The following RALGAPB variants were observed in gnomAD, a reference collection of about 807,000 sequenced individuals.
The protein encoded by RALGAPB is Ral GTPase activating protein non-catalytic subunit beta.
A neutral mutation model predicts 161.1 loss-of-function variants in RALGAPB; 25 were observed. That is an observed-to-expected ratio of 0.16 (90% CI 0.11 to 0.22). The LOEUF is 0.22. Ranked by LOEUF, RALGAPB falls within the 10% of genes least tolerant of loss-of-function variation. The pLI, the probability that RALGAPB is intolerant of heterozygous loss-of-function variation, is 1.00. For synonymous variants in RALGAPB, 629 were observed against 626.1 expected (o/e 1.00, Z -0.07); for missense variants, 1,391 against 1,815.2 (o/e 0.77, Z 4.25).
At chr20:38,506,500 TC>T (rs895681439) in intron 5 of RALGAPB, among the ~76,000 whole-genome samples, 14 of 152,188 alleles carry the variant, frequency 9.2e-5, no homozygotes, top group African/African-American at 3.4e-4. Flanking sequence ...CTCCATGTTG[TC>T]CAGGCTGGCC....
intron 16 of RALGAPB, chr20:38,537,685 T>C (rs1191199021): frequency 6.6e-6 from 1 of 152,210 alleles, no homozygotes; most frequent in Non-Finnish European, 1.5e-5. Flanking sequence ...GATGAAAGAT[T>C]TGTATTCAGA....
intron 19 of RALGAPB, 151 bp downstream of exon 19, chr20:38,546,581 G>C (rs925060302): frequency 3.0e-6 from 3 of 993,516 alleles, no homozygotes; most frequent in Non-Finnish European, 4.4e-6. Context: ...TGAAAAATAG[G>C]GGGGCAAAAA....
intron 1 of RALGAPB, among the ~76,000 whole-genome samples, chr20:38,476,523 G>A (rs1433040633): frequency 6.6e-6 from 1 of 152,110 alleles, no homozygotes; most frequent in African/African-American, 2.4e-5. Flanking sequence ...GTTGTCTTGT[G>A]TATTGTTGTG....
At chr20:38,531,931 T>A (rs184508684) in intron 14 of RALGAPB, among the ~76,000 whole-genome samples, 1 of 152,284 alleles carries the variant, frequency 6.6e-6, no homozygotes, top group East Asian at 1.9e-4. Flanking sequence ...GTCTAACAGA[T>A]AGGTTTATTA....
intron 16 of RALGAPB, among the ~76,000 whole-genome samples, chr20:38,537,433 A>G (rs193071782): frequency 5.3e-5 from 8 of 152,320 alleles, no homozygotes; most frequent in Admixed American, 5.2e-4. Context: ...TCTGGGCAAC[A>G]TAGTGAGACT....
At chr20:38,494,372 T>C (rs1322387292) in intron 3 of RALGAPB, among the ~76,000 whole-genome samples, 2 of 152,244 alleles carry the variant, frequency 1.3e-5, no homozygotes, top group African/African-American at 2.4e-5. Flanking sequence ...GGCTCACGCC[T>C]GTAATCCCAG....
At chr20:38,526,676 T>C (rs370805808) in intron 13 of RALGAPB, among the ~76,000 whole-genome samples, 4 of 152,196 alleles carry the variant, frequency 2.6e-5, no homozygotes, top group East Asian at 1.9e-4. Context: ...CCTGAAATTA[T>C]CTTGTTTGCT....
At chr20:38,475,014 C>G (rs545891550) in intron 1 of RALGAPB, among the ~76,000 whole-genome samples, 1 of 152,332 alleles carries the variant, frequency 6.6e-6, no homozygotes, top group East Asian at 1.9e-4. Flanking sequence ...CAGTTGAACA[C>G]ACACATTGAG....
intron 7 of RALGAPB, among the ~76,000 whole-genome samples, chr20:38,516,991 A>T (rs1479242777): frequency 2.0e-5 from 3 of 152,242 alleles, no homozygotes; most frequent in Non-Finnish European, 4.4e-5. Flanking sequence ...ACAACCAAAA[A>T]TCCTATTGTA....
intron 4 of RALGAPB, among the ~76,000 whole-genome samples, chr20:38,498,215 T>C (rs1031447509): frequency 2.0e-5 from 3 of 152,256 alleles, no homozygotes; most frequent in Non-Finnish European, 2.9e-5. Flanking sequence ...CCAAAGTCTT[T>C]TAACTGTTCT....
At position 38,575,081 on chromosome 20, in the gene RALGAPB, T is replaced by C. The variant is rs2088388661; in HGVS notation, c.*114T>C. 1.1e-6 allele frequency: 1 copy of C among 900,698 alleles called. No homozygotes were observed. The highest frequency in any genetic ancestry group is 1.6e-5 in the South Asian group (1 of 61,536). The allele number at this position is 900,698 out of a possible 1,614,324, so 55.8% of individuals were successfully genotyped here. On this transcript the variant is annotated 3_prime_UTR_variant, in exon 30 of 30. Transcript: ENST00000262879. The stretch of plus-strand genomic sequence containing the variant: ...ACAAATCACTCCCAAGAGCTTACTG[T>C]TTAATCACCAGAATAGAAGAAACAC...
At chr20:38,525,768 G>A (rs2086444342) in intron 12 of RALGAPB, 127 bp from the exon 13 acceptor site, 5 of 990,708 alleles carry the variant, frequency 5.0e-6, no homozygotes, top group Non-Finnish European at 5.9e-6. Flanking sequence ...GACAGATTCA[G>A]CACAGTGGCT....
Position 38,574,919 on chromosome 20 carries a change from T to G in RALGAPB, c.4437T>G (p.Phe1479Leu), listed in dbSNP as rs765701623. 11 of 1,613,932 alleles carry G rather than the reference T, an allele frequency of 6.8e-6. No individual in the cohort carries two copies. In the South Asian group the frequency reaches 1.1e-4, roughly 16 times the overall value. ...KYRNKQLEPEFYTSLFQEVGL... is the reference protein window; with the variant it reads ...KYRNKQLEPELYTSLFQEVGL... ...GGAACAAGCAGCTGGAGCCAGAGTTTTATACTTCACTTTTCCAGGAGGTTG... is the reference window on the plus strand; with the variant it reads ...GGAACAAGCAGCTGGAGCCAGAGTTGTATACTTCACTTTTCCAGGAGGTTG... The change falls in exon 30 of 30, where the codon TTT (phenylalanine) becomes TTG (leucine). Residue 1479 changes from phenylalanine to leucine, a missense_variant. Physicochemically the swap from Phe to Leu is conservative, Grantham distance 22. Coordinates refer to ENST00000262879, the MANE Select transcript of RALGAPB (RefSeq NM_020336.4).
intron 6 of RALGAPB, among the ~76,000 whole-genome samples, chr20:38,512,412 TTC>T (rs2085988721): frequency 6.6e-6 from 1 of 152,264 alleles, no homozygotes; most frequent in Non-Finnish European, 1.5e-5. Flanking sequence ...GAGCAATTTA[TTC>T]TCTCTGTGCC....
intron 5 of RALGAPB, among the ~76,000 whole-genome samples, chr20:38,500,364 T>C (rs2085549970): frequency 6.6e-6 from 1 of 152,144 alleles, no homozygotes; most frequent in Non-Finnish European, 1.5e-5. Context: ...AATTCTTGCG[T>C]ATTTCAAACT....
chr20:38,554,355 T>G (rs1488479861), intron 22 of RALGAPB, among the ~76,000 whole-genome samples: 1 of 152,178 alleles, frequency 6.6e-6, no homozygotes, highest in African/African-American at 2.4e-5. Flanking sequence ...GTACCCATAT[T>G]ACACAGATAA....
chr20:38,481,690 C>G (rs1426611367), intron 1 of RALGAPB, among the ~76,000 whole-genome samples: 1 of 152,176 alleles, frequency 6.6e-6, no homozygotes, highest in African/African-American at 2.4e-5. Flanking sequence ...ACATCTTAAT[C>G]TCCTTAATTA....
intron 23 of RALGAPB, among the ~76,000 whole-genome samples, chr20:38,561,485 A>G (rs2087784951): frequency 6.6e-6 from 1 of 152,164 alleles, no homozygotes; most frequent in South Asian, 2.1e-4. Context: ...GACATCAGTG[A>G]TTTGTGGACT....
chr20:38,571,400 C>T (rs565520393), intron 28 of RALGAPB, among the ~76,000 whole-genome samples: 1 of 152,266 alleles, frequency 6.6e-6, no homozygotes, highest in South Asian at 2.1e-4. Context: ...CAGTTCCTGA[C>T]AACTAGAATT....
Sources: gnomAD v4.1 joint callset for allele counts (sites outside exome capture counted in the v4.1 genomes callset) on GRCh38, gnomAD v4.1.1 for gene constraint, MANE v1.5 for transcripts, NCBI Gene and HGNC (gene_info 2026-07-23, HGNC 2026-07-21) for gene names.